BAZ1B: variants seen among roughly 807,000 people sequenced by gnomAD.
BAZ1B encodes bromodomain adjacent to zinc finger domain 1B.
Under a neutral mutation model 153.8 loss-of-function variants are expected in BAZ1B, and 22 were observed. The ratio of observed to expected loss-of-function variants is 0.14; its 90% CI spans 0.10 to 0.20. BAZ1B has a LOEUF of 0.20. BAZ1B is among the 10% of genes least tolerant of loss of function. The probability of loss-of-function intolerance (pLI) is 1.00; values close to 1 mark genes in which losing one functional copy is unlikely to be tolerated. For synonymous variants in BAZ1B, 676 were observed against 633.4 expected, an observed-to-expected ratio of 1.07 and a Z score of -1.01; for missense variants, 1,325 against 1,799.3, an observed-to-expected ratio of 0.74 and a Z score of 4.77.
intron 12 of BAZ1B, among the ~76,000 whole-genome samples, chr7:73,462,294 AAATATT>A (rs753999204): frequency 3.1e-4 from 47 of 152,366 alleles, no homozygotes; most frequent in Non-Finnish European, 6.0e-4. Flanking sequence ...AAAGACCCAC[AAATATT>A]AATATGTCTA....
rs1583939767 is a variant in BAZ1B at position 73,499,385 on chromosome 7, T to C, written c.370-687A>G. Reference sequence around the variant, plus strand: ...GGATATACAAATGTTCCAGAACCATTTGTTGAAATAACACCTTTCTCTACT... The same window carrying C: ...GGATATACAAATGTTCCAGAACCATCTGTTGAAATAACACCTTTCTCTACT... On this transcript the variant is annotated intron_variant, in intron 3 of 19. Transcript: ENST00000339594. 2.0e-5 allele frequency among the ~76,000 whole-genome samples: 3 copies of C among 152,282 alleles called. No homozygotes were observed. In the South Asian group the frequency reaches 6.2e-4, roughly 32 times the overall value.
intron 4 of BAZ1B, among the ~76,000 whole-genome samples, chr7:73,493,317 G>A (rs558165265): frequency 2.6e-5 from 4 of 151,792 alleles, no homozygotes; most frequent in Admixed American, 2.0e-4. Flanking sequence ...AAAATTAGCC[G>A]GGCTTGGTGG....
chr7:73,515,729 A>G (rs375497109), intron 1 of BAZ1B, among the ~76,000 whole-genome samples: 2 of 151,934 alleles, frequency 1.3e-5, no homozygotes, highest in Non-Finnish European at 2.9e-5. Flanking sequence ...TTGTAGAGAC[A>G]GGGTTTCATT....
intron 5 of BAZ1B, 35 bp from the exon 6 acceptor site, chr7:73,489,426 G>A (rs1450195488): frequency 6.2e-7 from 1 of 1,607,416 alleles, no homozygotes; most frequent in African/African-American, 1.3e-5. Flanking sequence ...TCACCACTGG[G>A]GTAAAAAGTA....
At chr7:73,445,701 T>C (rs945465216) in intron 16 of BAZ1B, among the ~76,000 whole-genome samples, 6 of 151,814 alleles carry the variant, frequency 4.0e-5, no homozygotes, top group Non-Finnish European at 7.4e-5. Context: ...CAAGACCCTA[T>C]CTCTACAAAA....
At chr7:73,475,554 G>A (rs899436487) in intron 7 of BAZ1B, among the ~76,000 whole-genome samples, 19 of 152,240 alleles carry the variant, frequency 1.2e-4, no homozygotes, top group Admixed American at 1.2e-3. Context: ...ATTGGTGGTT[G>A]CTGGGGGATG....
At chr7:73,509,139 T>C (rs1185383875) in intron 2 of BAZ1B, among the ~76,000 whole-genome samples, 9 of 150,086 alleles carry the variant, frequency 6.0e-5, no homozygotes, top group Admixed American at 3.3e-4. Flanking sequence ...CTGGCCAACA[T>C]GGCGAAACCC....
At chr7:73,509,222 T>C (rs1225190193) in intron 2 of BAZ1B, among the ~76,000 whole-genome samples, 1 of 151,596 alleles carries the variant, frequency 6.6e-6, no homozygotes, top group Non-Finnish European at 1.5e-5. Context: ...CTCGGGAGGC[T>C]GAGGCAGGAG....
chr7:73,464,022 A>T (rs1352009811), intron 11 of BAZ1B: 1 of 751,382 alleles, frequency 1.3e-6, no homozygotes, highest in Admixed American at 6.3e-5. Flanking sequence ...TGTCTTTCTT[A>T]ATTTGCCTAG....
At chr7:73,442,136 T>TTCCAAA in intron 19 of BAZ1B, 45 bp downstream of exon 19, 1 of 573,492 alleles carries the variant, frequency 1.7e-6, no homozygotes, top group Non-Finnish European at 3.2e-6. Flanking sequence ...CTCGCTCGCC[T>TTCCAAA]CCCTCCCACC....
In BAZ1B at chr7:73,508,523, AT is replaced by A. The variant is rs781954780; in HGVS notation, c.225-53del. 2.0e-6 allele frequency: 3 copies of A among 1,524,962 alleles called. No individual in the cohort carries two copies. The Middle Eastern group carries it at 5.3e-4, about 267-fold the overall frequency. 94.5% of individuals were successfully genotyped at this position (1,524,962 alleles called of 1,614,324 possible). A position where few individuals can be genotyped will look rare whatever the true frequency, so the allele number is the denominator to read the frequency against. On this transcript the variant is annotated intron_variant, in intron 2 of 19. Coordinates refer to ENST00000339594, the MANE Select transcript of BAZ1B (RefSeq NM_032408.4). ...AAAACACAGAAACACCTACCCAGAG[AT>A]TTAATTCAAGTCAATTCAAACATTT...
intron 9 of BAZ1B, among the ~76,000 whole-genome samples, chr7:73,466,839 C>T (rs1165175097): frequency 6.6e-6 from 1 of 152,186 alleles, no homozygotes; most frequent in African/African-American, 2.4e-5. Context: ...TAAATCAGTT[C>T]CTATATACTG....
chr7:73,515,444 T>C (rs1189607933), intron 1 of BAZ1B, among the ~76,000 whole-genome samples: 15 of 152,070 alleles, frequency 9.9e-5, no homozygotes, highest in African/African-American at 2.9e-4. Context: ...CTTAAAGTCA[T>C]GATGTCTTCT....
chr7:73,483,759 C>T (rs2116359650), intron 6 of BAZ1B, among the ~76,000 whole-genome samples: 1 of 152,100 alleles, frequency 6.6e-6, no homozygotes, highest in African/African-American at 2.4e-5. Context: ...ACCCTGCCTC[C>T]ATCTCCAAAG....
chr7:73,466,053 C>T (rs952817169), intron 10 of BAZ1B, among the ~76,000 whole-genome samples: 16 of 152,222 alleles, frequency 1.1e-4, no homozygotes, highest in African/African-American at 3.6e-4. Flanking sequence ...AGATCTATCA[C>T]ATAATATACA....
rs1787679450 is a variant in BAZ1B, at chr7:73,442,832, G to C, written c.3991-4C>G. 6.2e-7 allele frequency: 1 copy of C among 1,609,740 alleles called. No individual in the cohort carries two copies. Among genetic ancestry groups the C allele is most frequent in the Non-Finnish European group, 8.5e-7 (1 of 1,176,714 alleles). ...AGCTCCGCTTGGTCTGAAGCACCTG[G>C]CAGGAAAGAAAGAACAATGTTATTA... On this transcript the variant is annotated splice_polypyrimidine_tract_variant and splice_region_variant and intron_variant, in intron 17 of 19. Coordinates refer to ENST00000339594, the MANE Select transcript of BAZ1B (RefSeq NM_032408.4).
intron 12 of BAZ1B, chr7:73,462,647 A>T: frequency 2.4e-6 from 1 of 418,090 alleles, no homozygotes; most frequent in Non-Finnish European, 4.4e-6. Flanking sequence ...ATACGACTGG[A>T]GCCTCTACAA....
At chr7:73,518,411 T>C (rs760874023) in intron 1 of BAZ1B, among the ~76,000 whole-genome samples, 8 of 151,110 alleles carry the variant, frequency 5.3e-5, no homozygotes, top group Non-Finnish European at 7.4e-5. Flanking sequence ...AGACTCCGTC[T>C]CAAAAAATAA....
chr7:73,455,790 A>G (rs1171479490), intron 13 of BAZ1B, among the ~76,000 whole-genome samples: 2 of 152,200 alleles, frequency 1.3e-5, no homozygotes, highest in African/African-American at 4.8e-5. Context: ...AAGAAACGCA[A>G]TAAAATCAGA....
Sources: gnomAD v4.1 joint callset for allele counts (sites outside exome capture counted in the v4.1 genomes callset) on GRCh38, gnomAD v4.1.1 for gene constraint, MANE v1.5 for transcripts, NCBI Gene and HGNC (gene_info 2026-07-23, HGNC 2026-07-21) for gene names.